GRIA2: variants seen among roughly 807,000 people sequenced by gnomAD.
GRIA2 encodes the protein glutamate receptor 2.
Under a neutral mutation model 97.3 loss-of-function variants are expected in GRIA2, and 14 were observed. That is an observed-to-expected ratio of 0.14 (90% CI 0.10 to 0.23). The LOEUF (loss-of-function observed/expected upper bound fraction) is 0.23. Among genes scored for constraint, GRIA2 ranks in the 10% least tolerant of loss-of-function variants. The pLI is 1.00. For synonymous variants in GRIA2, 412 were observed against 387.8 expected (o/e 1.06, Z -0.73); for missense variants, 558 against 1,069.8 (o/e 0.52, Z 6.67).
intron 2 of GRIA2, among the ~76,000 whole-genome samples, chr4:157,228,532 C>G (rs1205007159): frequency 6.6e-6 from 1 of 152,054 alleles, no homozygotes; most frequent in African/African-American, 2.4e-5. Flanking sequence ...GTGGCTCATG[C>G]CTGTAATCCC....
At chr4:157,356,864 G>A (rs1251394214) in intron 12 of GRIA2, among the ~76,000 whole-genome samples, 2 of 152,034 alleles carry the variant, frequency 1.3e-5, no homozygotes, top group Admixed American at 6.6e-5. Flanking sequence ...TATGAATTAG[G>A]CCAAACTAAA....
chr4:157,294,608 A>T (rs578176074), intron 2 of GRIA2, among the ~76,000 whole-genome samples: 64 of 152,310 alleles, frequency 4.2e-4, no homozygotes, highest in African/African-American at 1.5e-3. Flanking sequence ...TGTATCTCAC[A>T]TACATTTTCC....
At chr4:157,346,342 G>A (rs1012452492) in intron 12 of GRIA2, among the ~76,000 whole-genome samples, 1 of 151,960 alleles carries the variant, frequency 6.6e-6, no homozygotes, top group Non-Finnish European at 1.5e-5. Context: ...TTTCTTTATT[G>A]CCATGTTATA....
chr4:157,280,952 C>T (rs1732566202), intron 2 of GRIA2, among the ~76,000 whole-genome samples: 1 of 151,846 alleles, frequency 6.6e-6, no homozygotes, highest in Non-Finnish European at 1.5e-5. Context: ...CTGCCAACAC[C>T]CTTAAAATCT....
chr4:157,317,207 T>A (rs939190901), intron 4 of GRIA2, among the ~76,000 whole-genome samples: 3 of 152,326 alleles, frequency 2.0e-5, no homozygotes, highest in African/African-American at 7.2e-5. Flanking sequence ...CTATAAACTC[T>A]AGGTGTATTT....
chr4:157,247,711 A>G (rs898835949), intron 2 of GRIA2, among the ~76,000 whole-genome samples: 2 of 152,078 alleles, frequency 1.3e-5, no homozygotes, highest in African/African-American at 4.8e-5. Flanking sequence ...GATCAGAGTT[A>G]TCCAATGAAT....
chr4:157,305,871 A>C (rs1169845262), intron 3 of GRIA2, among the ~76,000 whole-genome samples: 1 of 152,088 alleles, frequency 6.6e-6, no homozygotes, highest in African/African-American at 2.4e-5. Flanking sequence ...GATAAGCATT[A>C]TGTTTTTCAT....
intron 2 of GRIA2, among the ~76,000 whole-genome samples, chr4:157,280,259 A>G (rs779491527): frequency 2.0e-5 from 3 of 152,152 alleles, no homozygotes; most frequent in Non-Finnish European, 2.9e-5. Flanking sequence ...TGAAATGTCA[A>G]GGAACTGTGA....
At position 157,320,369 on chromosome 4, in the gene GRIA2, G is replaced by A. The variant is rs1271350499; in HGVS notation, c.721-1069G>A. Among the ~76,000 whole-genome samples, 4 of 152,154 alleles carry A rather than the reference G, an allele frequency of 2.6e-5. No individual in the cohort carries two copies. The East Asian group carries it at 7.7e-4, about 29-fold the overall frequency. On this transcript the variant is annotated intron_variant, in intron 5 of 15. Transcript: ENST00000264426. ...TTTCAAAAATTGATAAATTAAGAAAGAGCAGTAAAAGTGTCATGCAGAAGT... is the reference window on the plus strand; with the variant it reads ...TTTCAAAAATTGATAAATTAAGAAAAAGCAGTAAAAGTGTCATGCAGAAGT...
intron 6 of GRIA2, among the ~76,000 whole-genome samples, chr4:157,323,813 G>A (rs988355839): frequency 1.3e-5 from 2 of 152,184 alleles, no homozygotes; most frequent in Admixed American, 6.5e-5. Context: ...ATTTCACTGA[G>A]TTGAGAACCT....
intron 2 of GRIA2, among the ~76,000 whole-genome samples, chr4:157,256,074 T>A (rs1020557138): frequency 6.8e-6 from 1 of 146,898 alleles, no homozygotes; most frequent in Non-Finnish European, 1.5e-5. Context: ...GTAATACATA[T>A]CTATAGGTAC....
In GRIA2 at chr4:157,353,512, T is replaced by A. The variant is rs1405742239; in HGVS notation, c.2044-6384T>A. Reference sequence around the variant, plus strand: ...GATGAAACCCCGTCTCTAATAAAAATAATAAAAAAAAAAATTAGCCAGGTG... The same window carrying A: ...GATGAAACCCCGTCTCTAATAAAAAAAATAAAAAAAAAAATTAGCCAGGTG... On this transcript the variant is annotated intron_variant, in intron 12 of 15. Transcript: ENST00000264426. 3.6e-3 allele frequency among the ~76,000 whole-genome samples: 494 copies of A among 136,688 alleles called. 2 individuals carry two copies. The highest frequency in any genetic ancestry group is 0.012 in the African/African-American group (447 of 36,914). The allele number at this position is 136,688 out of a possible 152,430, so 89.7% of individuals were successfully genotyped here.
At chr4:157,282,128 A>T (rs747890199) in intron 2 of GRIA2, among the ~76,000 whole-genome samples, 2 of 152,078 alleles carry the variant, frequency 1.3e-5, no homozygotes, top group African/African-American at 2.4e-5. Context: ...TTAACTGTTT[A>T]TCTGCCATTC....
chr4:157,298,054 G>GA (rs928606362), intron 2 of GRIA2, among the ~76,000 whole-genome samples: 15 of 151,716 alleles, frequency 9.9e-5, no homozygotes, highest in Middle Eastern at 6.8e-3. Context: ...TGAAGAAAAA[G>GA]AAAAAAAATT....
intron 12 of GRIA2, among the ~76,000 whole-genome samples, chr4:157,354,303 G>T (rs1316772245): frequency 1.3e-5 from 2 of 152,096 alleles, no homozygotes; most frequent in Non-Finnish European, 1.5e-5. Context: ...GTAAGTCAAT[G>T]GAATTAAGCT....
At chr4:157,321,965 A>T (rs1734590357) in intron 6 of GRIA2, among the ~76,000 whole-genome samples, 2 of 152,134 alleles carry the variant, frequency 1.3e-5, no homozygotes, top group Admixed American at 6.5e-5. Context: ...AGACAAAAGC[A>T]TTGACAGAAG....
chr4:157,284,203 TG>T (rs2126820441), intron 2 of GRIA2, among the ~76,000 whole-genome samples: 1 of 151,938 alleles, frequency 6.6e-6, no homozygotes, highest in African/African-American at 2.4e-5. Flanking sequence ...GAGGGGGAAC[TG>T]GGTCAGCTAG....
At chr4:157,277,111 T>G (rs1254888768) in intron 2 of GRIA2, among the ~76,000 whole-genome samples, 1 of 151,786 alleles carries the variant, frequency 6.6e-6, no homozygotes, top group Non-Finnish European at 1.5e-5. Flanking sequence ...GATCAATATC[T>G]CTCATGAACA....
rs935088474 is a variant in GRIA2, at chr4:157,360,048, C to T, written c.2196C>T (p.Tyr732=). The change falls in exon 13 of 16, where the codon TAC becomes TAT. Residue 732 remains tyrosine, a synonymous_variant. Coordinates refer to ENST00000264426, the MANE Select transcript of GRIA2 (RefSeq NM_001083619.3). ...AYLLESTMNE[Y]IEQRKPCDTM... ...TGTTGGAGTCCACGATGAACGAGTA[C>T]ATTGAGCAAAGGAAGCCTTGCGACA... 3.7e-6 allele frequency: 6 copies of T among 1,613,682 alleles called. No individual in the cohort carries two copies. In the African/African-American group the frequency reaches 4.0e-5, roughly 11 times the overall value.
Sources: gnomAD v4.1 joint callset for allele counts (sites outside exome capture counted in the v4.1 genomes callset) on GRCh38, gnomAD v4.1.1 for gene constraint, MANE v1.5 for transcripts, NCBI Gene and HGNC (gene_info 2026-07-23, HGNC 2026-07-21) for gene names.